ATXN2: variants seen among roughly 807,000 people sequenced by gnomAD.
The protein encoded by ATXN2 is ataxin 2, also known as ataxin-2.
In ATXN2, 37 loss-of-function variants were observed where a neutral mutation model predicts 138.6. The ratio of observed to expected loss-of-function variants is 0.27; its 90% CI spans 0.21 to 0.35. The LOEUF is 0.35. Ranked by LOEUF, ATXN2 falls within the 10% of genes least tolerant of loss-of-function variation. The pLI is 1.00. For synonymous variants in ATXN2, 549 were observed against 543.7 expected (o/e 1.01, Z -0.13); for missense variants, 1,216 against 1,480.3 (o/e 0.82, Z 2.93).
intron 14 of ATXN2, among the ~76,000 whole-genome samples, chr12:111,492,163 T>A (rs943686452): frequency 6.6e-6 from 1 of 152,008 alleles, no homozygotes; most frequent in Non-Finnish European, 1.5e-5. Context: ...TCCAAGCAGC[T>A]CAGCACAAAG....
intron 2 of ATXN2, among the ~76,000 whole-genome samples, chr12:111,555,020 T>A (rs1882316413): frequency 6.6e-6 from 1 of 152,150 alleles, no homozygotes; most frequent in Non-Finnish European, 1.5e-5. Context: ...GTCTCAAAAA[T>A]TTGTGATAGC....
At chr12:111,494,253 T>C (rs772675451) in intron 14 of ATXN2, among the ~76,000 whole-genome samples, 6 of 151,692 alleles carry the variant, frequency 4.0e-5, no homozygotes, top group South Asian at 4.2e-4. Flanking sequence ...TTTTAAGACA[T>C]AGTATAATAA....
At position 111,598,880 on chromosome 12, in the gene ATXN2, G is replaced by A; in HGVS notation, c.155C>T (p.Pro52Leu). ...GGAGACCGAGGACGAGGACGGCGAAGGCGCGGCGGCGGGCGACGCTAGAAG... is the reference window on the plus strand; with the variant it reads ...GGAGACCGAGGACGAGGACGGCGAAAGCGCGGCGGCGGGCGACGCTAGAAG... ...SGLLASPAAA[P>L]SPSSSSVSSS... is the part of the protein sequence containing the mutation. Residue 52 changes from proline to leucine, a missense_variant, in exon 1 of 25, where the codon CCT becomes CTT. Pro to Leu is a moderately conservative substitution (Grantham distance 98). Around this residue, in one of 4 missense-constraint regions of ATXN2, gnomAD observed 110 missense variants for 88.7 expected, o/e 1.24. Coordinates refer to ENST00000673436, the MANE Select transcript of ATXN2 (RefSeq NM_001372574.1). The surrounding 1 kb of genome is among the most constrained non-coding windows in gnomAD (Gnocchi z 4.5). The A allele has an allele frequency of 6.7e-7, 1 of 1,496,398 alleles. No homozygotes were observed. The highest frequency in any genetic ancestry group is 2.3e-4 in the Middle Eastern group (1 of 4,264). The allele number at this position is 1,496,398 out of a possible 1,614,324, so 92.7% of individuals were successfully genotyped here.
At chr12:111,561,504 G>GA (rs966313209) in intron 1 of ATXN2, among the ~76,000 whole-genome samples, 33 of 150,752 alleles carry the variant, frequency 2.2e-4, no homozygotes, top group South Asian at 6.3e-4. Context: ...CCGTCTCAAA[G>GA]AAAAAAAAAT....
At chr12:111,528,393 C>T (rs1679633132) in intron 5 of ATXN2, among the ~76,000 whole-genome samples, 1 of 152,064 alleles carries the variant, frequency 6.6e-6, no homozygotes, top group Non-Finnish European at 1.5e-5. Flanking sequence ...AAACAAATTT[C>T]TAAAAGGATC....
At chr12:111,501,668 A>C (rs547524589) in intron 14 of ATXN2, among the ~76,000 whole-genome samples, 1 of 152,356 alleles carries the variant, frequency 6.6e-6, no homozygotes, top group South Asian at 2.1e-4. Flanking sequence ...ATGTGGGCAC[A>C]CTGGCAATTT....
Position 111,581,537 on chromosome 12 carries a change from G to A in ATXN2, c.251+17247C>T, listed in dbSNP as rs755070858. ...GATCCCCATCCACAGCGAGAACTCC[G>A]TGCCCGACCATGTCGTCTGGTCCCT... is the stretch of plus-strand genomic sequence containing the variant. On this transcript the variant is annotated intron_variant, in intron 1 of 24. Transcript: ENST00000673436. 242 of 997,076 alleles carry A rather than the reference G, an allele frequency of 2.4e-4. 2 individuals carry two copies. The highest frequency in any genetic ancestry group is 1.6e-4 in the Non-Finnish European group (99 of 620,062). The allele number at this position is 997,076 out of a possible 1,614,324, so 61.8% of individuals were successfully genotyped here. A position where few individuals can be genotyped will look rare whatever the true frequency, so the allele number is the denominator to read the frequency against.
At chr12:111,514,855 A>G (rs546293866) in intron 10 of ATXN2, among the ~76,000 whole-genome samples, 1 of 152,308 alleles carries the variant, frequency 6.6e-6, no homozygotes, top group Admixed American at 6.5e-5. Flanking sequence ...ATAATTTTCA[A>G]ATGGAAATAT....
rs998120432 is a variant in ATXN2 at position 111,453,922 on chromosome 12, G to A, written c.3271-77C>T. On this transcript the variant is annotated intron_variant, in intron 23 of 24. Coordinates refer to ENST00000673436, the MANE Select transcript of ATXN2 (RefSeq NM_001372574.1). The surrounding 1 kb of genome is among the most constrained non-coding windows in gnomAD (Gnocchi z 5.4). ...ACATGTCAACTGTGTTCCTTTCACT[G>A]GGCTGGGACTCTCAGGAAAGGGCAA... 2 of 1,454,944 alleles carry A rather than the reference G, an allele frequency of 1.4e-6. No individual in the cohort carries two copies. The highest frequency in any genetic ancestry group is 2.8e-5 in the African/African-American group (2 of 70,900). 90.1% of individuals were successfully genotyped at this position (1,454,944 alleles called of 1,614,324 possible).
Position 111,598,235 on chromosome 12 carries a change from C to G in ATXN2, c.251+549G>C. On this transcript the variant is annotated intron_variant, in intron 1 of 24. Coordinates refer to ENST00000673436, the MANE Select transcript of ATXN2 (RefSeq NM_001372574.1). The surrounding 1 kb of genome is among the most constrained non-coding windows in gnomAD (Gnocchi z 4.5). Reference sequence around the variant, plus strand: ...CTCGGAGGGGGCGGGGAGAGAGCCCCGACAGACCCTGATGATTCCGGAGGA... The same window carrying G: ...CTCGGAGGGGGCGGGGAGAGAGCCCGGACAGACCCTGATGATTCCGGAGGA... 4.8e-6 allele frequency: 5 copies of G among 1,045,882 alleles called. No individual in the cohort carries two copies. Among genetic ancestry groups the G allele is most frequent in the Non-Finnish European group, 5.8e-6 (5 of 865,182 alleles). 64.8% of individuals were successfully genotyped at this position (1,045,882 alleles called of 1,614,324 possible).
intron 2 of ATXN2, among the ~76,000 whole-genome samples, chr12:111,554,444 G>A (rs979062794): frequency 1.9e-4 from 29 of 152,052 alleles, no homozygotes; most frequent in Non-Finnish European, 3.4e-4. Context: ...TAAAGCTAAC[G>A]TTTATTATTT....
At chr12:111,496,794 A>G (rs1878443775) in intron 14 of ATXN2, among the ~76,000 whole-genome samples, 1 of 152,096 alleles carries the variant, frequency 6.6e-6, no homozygotes, top group Admixed American at 6.5e-5. Flanking sequence ...AAGTGGAAAA[A>G]CTTCATCTGC....
At position 111,483,240 on chromosome 12, in the gene ATXN2, A is replaced by C. The variant is rs867623264; in HGVS notation, c.2524+2025T>G. ...ACACACACACACACACACACACACA[A>C]AACACCCAAAAAAACACATTGAGGA... On this transcript the variant is annotated intron_variant, in intron 18 of 24. Coordinates refer to ENST00000673436, the MANE Select transcript of ATXN2 (RefSeq NM_001372574.1). Among the ~76,000 whole-genome samples the C allele has an allele frequency of 3.5e-3, 499 of 143,076 alleles. 3 individuals carry two copies. The highest frequency in any genetic ancestry group is 0.011 in the African/African-American group (418 of 38,622). The allele number at this position is 143,076 out of a possible 152,430, so 93.9% of individuals were successfully genotyped here.
chr12:111,498,391 T>C (rs1245655226), intron 14 of ATXN2, among the ~76,000 whole-genome samples: 1 of 152,000 alleles, frequency 6.6e-6, no homozygotes, highest in African/African-American at 2.4e-5. Flanking sequence ...GATACAAAAA[T>C]CAACACACAA....
At chr12:111,537,294 A>G (rs1881240347) in intron 5 of ATXN2, among the ~76,000 whole-genome samples, 1 of 152,156 alleles carries the variant, frequency 6.6e-6, no homozygotes, top group African/African-American at 2.4e-5. Context: ...AGCCTATCAT[A>G]ATATATATGG....
intron 1 of ATXN2, among the ~76,000 whole-genome samples, chr12:111,585,067 G>A (rs926571046): frequency 2.6e-5 from 4 of 152,164 alleles, no homozygotes; most frequent in Admixed American, 1.3e-4. Flanking sequence ...AAGGGGTCAT[G>A]ATCTGCAGAT....
chr12:111,570,368 G>A (rs1883251345), intron 1 of ATXN2, among the ~76,000 whole-genome samples: 1 of 152,162 alleles, frequency 6.6e-6, no homozygotes, highest in Non-Finnish European at 1.5e-5. Context: ...TGAGTGACAG[G>A]TACATAAGAT....
chr12:111,475,329 G>A (rs1244061437), intron 18 of ATXN2, among the ~76,000 whole-genome samples: 4 of 115,156 alleles, frequency 3.5e-5, no homozygotes, highest in Non-Finnish European at 6.5e-5. Flanking sequence ...AGGTGACAGA[G>A]CCAAGATTCC....
chr12:111,550,142 AAACT>A (rs1320140200), intron 5 of ATXN2, among the ~76,000 whole-genome samples: 2 of 152,156 alleles, frequency 1.3e-5, no homozygotes, highest in Non-Finnish European at 2.9e-5. Context: ...CTCATCAAGA[AAACT>A]AATTTTGTAA....
Sources: allele counts gnomAD v4.1 joint callset (sites outside exome capture counted in the v4.1 genomes callset), GRCh38; gene constraint gnomAD v4.1.1; regional missense constraint gnomAD v4.1.1; non-coding constraint Gnocchi (gnomAD v3.1); transcripts MANE v1.5; gene names NCBI Gene and HGNC (gene_info 2026-07-23, HGNC 2026-07-21).